ARSJ: variants seen among roughly 807,000 people sequenced by gnomAD.
The protein encoded by ARSJ is arylsulfatase J.
In ARSJ, 26 loss-of-function variants were observed where a neutral mutation model predicts 35.9. The observed-to-expected ratio is 0.72, with a 90% CI of 0.53 to 1.00. The LOEUF (loss-of-function observed/expected upper bound fraction) is 1.00, where lower values mean the gene tolerates loss of function less well. Among genes scored for constraint, ARSJ ranks in the 50% least tolerant of loss-of-function variants. ARSJ has a pLI of 0.00. For missense variants in ARSJ, 667 were observed against 723.6 expected, an observed-to-expected ratio of 0.92 and a Z score of 0.90; for synonymous variants, 294 against 267.6, an observed-to-expected ratio of 1.10 and a Z score of -0.96.
In ARSJ at chr4:113,903,253, G is replaced by A. The variant is rs1414884895; in HGVS notation, c.821C>T (p.Ala274Val). Residue 274 changes from alanine to valine, a missense_variant, in exon 2 of 2, where the codon GCT becomes GTT. Coordinates refer to ENST00000315366, the MANE Select transcript of ARSJ (RefSeq NM_024590.4). ...AYQAVHSPLQ[A>V]PGRYFEHYRS... ...GTAGTGTTCGAAATACCTGCCAGGA[G>A]CTTGCAGTGGTGAATGAACAGCTTG... 3 of 1,614,186 alleles carry A rather than the reference G, an allele frequency of 1.9e-6. No homozygotes were observed. Among genetic ancestry groups the A allele is most frequent in the South Asian group, 2.2e-5 (2 of 91,076 alleles).
At chr4:113,922,183 T>C (rs1418297425) in intron 1 of ARSJ, among the ~76,000 whole-genome samples, 1 of 152,180 alleles carries the variant, frequency 6.6e-6, no homozygotes, top group Non-Finnish European at 1.5e-5. Flanking sequence ...AAGTAAAATC[T>C]TATGCCTTAG....
At chr4:113,976,352 A>G (rs1418570179) in intron 1 of ARSJ, among the ~76,000 whole-genome samples, 2 of 152,114 alleles carry the variant, frequency 1.3e-5, no homozygotes, top group Non-Finnish European at 2.9e-5. Flanking sequence ...CAAGGCATAG[A>G]CATGTGTTCA....
At chr4:113,974,478 A>C (rs1323839924) in intron 1 of ARSJ, among the ~76,000 whole-genome samples, 2 of 152,128 alleles carry the variant, frequency 1.3e-5, no homozygotes, top group African/African-American at 2.4e-5. Flanking sequence ...TTAATAAGGC[A>C]GAAACAATCA....
chr4:113,915,286 A>G (rs1723227554), intron 1 of ARSJ, among the ~76,000 whole-genome samples: 1 of 152,116 alleles, frequency 6.6e-6, no homozygotes, highest in Non-Finnish European at 1.5e-5. Context: ...GCTATTTTGA[A>G]TAGTTTATTT....
At chr4:113,947,819 A>C (rs1245933717) in intron 1 of ARSJ, among the ~76,000 whole-genome samples, 1 of 152,142 alleles carries the variant, frequency 6.6e-6, no homozygotes, top group African/African-American at 2.4e-5. Context: ...ATGGCAAAAC[A>C]TATTATCCAA....
At chr4:113,903,930 G>A (rs80194723) in intron 1 of ARSJ, among the ~76,000 whole-genome samples, 11,439 of 152,086 alleles carry the variant, frequency 0.075, 450 homozygotes, top group East Asian at 0.11. Context: ...CACTTATCTC[G>A]AAAGTCTTTT....
intron 1 of ARSJ, among the ~76,000 whole-genome samples, chr4:113,942,077 T>A (rs918467928): frequency 1.1e-4 from 16 of 151,914 alleles, no homozygotes; most frequent in African/African-American, 3.1e-4. Flanking sequence ...TCTTGTTAAG[T>A]AAATGAGGTG....
intron 1 of ARSJ, among the ~76,000 whole-genome samples, chr4:113,930,942 G>A (rs1030516682): frequency 8.7e-5 from 13 of 149,644 alleles, no homozygotes; most frequent in Non-Finnish European, 1.6e-4. Flanking sequence ...ACCAAACACC[G>A]CATATTCTCA....
intron 1 of ARSJ, among the ~76,000 whole-genome samples, chr4:113,956,160 CAA>C (rs1337555497): frequency 3.9e-5 from 6 of 151,956 alleles, no homozygotes; most frequent in African/African-American, 1.2e-4. Context: ...AGGCTGGTTT[CAA>C]AGAGTTTGTA....
intron 1 of ARSJ, among the ~76,000 whole-genome samples, chr4:113,936,206 T>C (rs371614644): frequency 1.3e-5 from 2 of 151,898 alleles, no homozygotes; most frequent in Non-Finnish European, 2.9e-5. Flanking sequence ...AAAGCATTAA[T>C]GTAGAAGCAT....
chr4:113,934,051 C>T lies in ARSJ; in HGVS notation c.399-30376G>A, dbSNP rs56146620. Among the ~76,000 whole-genome samples, 1,260 of 151,646 alleles carry T rather than the reference C, an allele frequency of 8.3e-3. 18 individuals are homozygous for T. The highest frequency in any genetic ancestry group is 0.028 in the African/African-American group (1,180 of 41,452). On this transcript the variant is annotated intron_variant, in intron 1 of 1. Transcript: ENST00000315366. ...AGAAATTTAGTAAAGTTGCAGGACA[C>T]GAAATTAAGATACATCCCAACTAAA...
chr4:113,939,368 C>T (rs1425614772), intron 1 of ARSJ, among the ~76,000 whole-genome samples: 1 of 149,876 alleles, frequency 6.7e-6, no homozygotes, highest in East Asian at 2.0e-4. Context: ...CCACAATAAA[C>T]ATACGTGTGC....
intron 1 of ARSJ, among the ~76,000 whole-genome samples, chr4:113,962,956 A>G (rs1461260207): frequency 6.6e-6 from 1 of 151,976 alleles, no homozygotes; most frequent in Non-Finnish European, 1.5e-5. Flanking sequence ...ATGGTACTTG[A>G]ACACACCAGG....
chr4:113,950,110 C>G (rs1473312526), intron 1 of ARSJ, among the ~76,000 whole-genome samples: 1 of 151,928 alleles, frequency 6.6e-6, no homozygotes. Flanking sequence ...AAATGAAGTT[C>G]TAATAAAATG....
chr4:113,923,690 G>A (rs1041053452), intron 1 of ARSJ, among the ~76,000 whole-genome samples: 5 of 151,952 alleles, frequency 3.3e-5, no homozygotes, highest in Admixed American at 3.3e-4. Flanking sequence ...AAGTAAGGGA[G>A]AAGTGATTTA....
intron 1 of ARSJ, among the ~76,000 whole-genome samples, chr4:113,958,895 C>A (rs893421478): frequency 1.3e-5 from 2 of 151,926 alleles, no homozygotes; most frequent in African/African-American, 4.8e-5. Context: ...TTTTAAATTG[C>A]CACATTTCTC....
At chr4:113,915,282 T>C (rs1723227132) in intron 1 of ARSJ, among the ~76,000 whole-genome samples, 1 of 152,160 alleles carries the variant, frequency 6.6e-6, no homozygotes. Context: ...TTGAGCTATT[T>C]TGAATAGTTT....
chr4:113,978,886 G>A lies in ARSJ; in HGVS notation c.-52C>T. ...CGCGGAGAACCACGCGCCCCGCGCC[G>A]CTGCGGGCGCACACATGCACCCAAC... On this transcript the variant is annotated 5_prime_UTR_variant, in exon 1 of 2. Transcript: ENST00000315366. The A allele has an allele frequency of 2.0e-6, 3 of 1,524,922 alleles. No homozygotes were observed. The highest frequency in any genetic ancestry group is 2.6e-6 in the Non-Finnish European group (3 of 1,139,168). 94.5% of individuals were successfully genotyped at this position (1,524,922 alleles called of 1,614,324 possible).
intron 1 of ARSJ, among the ~76,000 whole-genome samples, chr4:113,916,175 G>A (rs940156085): frequency 1.3e-5 from 2 of 152,114 alleles, no homozygotes; most frequent in African/African-American, 4.8e-5. Flanking sequence ...TTTATCTCTG[G>A]ACATTCTGCC....
Sources: gnomAD v4.1 joint callset for allele counts (sites outside exome capture counted in the v4.1 genomes callset) on GRCh38, gnomAD v4.1.1 for gene constraint, MANE v1.5 for transcripts, NCBI Gene and HGNC (gene_info 2026-07-23, HGNC 2026-07-21) for gene names.